The following BCAN variants were observed in gnomAD, a reference collection of about 807,000 sequenced individuals.
BCAN encodes brevican, also known as brevican core protein.
BCAN carries 51 observed loss-of-function variants against 92.4 expected under a neutral mutation model. The observed-to-expected ratio is 0.55, with a 90% confidence interval of 0.44 to 0.70. The LOEUF (loss-of-function observed/expected upper bound fraction) is 0.70, where lower values mean the gene tolerates loss of function less well. Ranked by LOEUF, BCAN falls within the 30% of genes least tolerant of loss-of-function variation. The pLI, the probability that BCAN is intolerant of heterozygous loss-of-function variation, is 0.00. For missense variants in BCAN, 1,140 were observed against 1,212.1 expected (o/e 0.94, Z 0.88); for synonymous variants, 501 against 505.2 (o/e 0.99, Z 0.11).
In BCAN at chr1:156,647,189, G is replaced by A. The variant is rs577518815; in HGVS notation, c.466+14G>A. The A allele has an allele frequency of 2.1e-5, 21 of 1,022,698 alleles. No homozygotes were observed. The East Asian group carries it at 1.0e-3, about 49-fold the overall frequency. 63.4% of individuals were successfully genotyped at this position (1,022,698 alleles called of 1,614,324 possible). A position where few individuals can be genotyped will look rare whatever the true frequency, so the allele number is the denominator to read the frequency against. On this transcript the variant is annotated intron_variant, in intron 3 of 13. Transcript: ENST00000329117. This position sits in a 1 kb window ranked among gnomAD's most constrained non-coding sequence, Gnocchi z 4.8. ...TCAAGGTCAAAGGTGAGAGGGCAGG[G>A]AGGTTCCAGAGGGAGGGAGGGAGGG...
chr1:156,657,411 C>T (rs915910528), intron 10 of BCAN: 2 of 553,378 alleles, frequency 3.6e-6, no homozygotes, highest in Non-Finnish European at 6.3e-6. Context: ...CCTCCAACTC[C>T]AACTCCAATC....
At chr1:156,648,995 G>T (rs1679075550) in intron 6 of BCAN, 134 bp downstream of exon 6, 6 of 1,083,846 alleles carry the variant, frequency 5.5e-6, no homozygotes, top group Non-Finnish European at 7.6e-6. Context: ...GTGAAGTCCA[G>T]CTTGTCATCT....
rs776798315 is a variant in BCAN, at chr1:156,648,623, G to A, written c.825G>A (p.Ala275=). The A allele has an allele frequency of 6.0e-5, 97 of 1,608,972 alleles. No homozygotes were observed. Among genetic ancestry groups the A allele is most frequent in the Non-Finnish European group, 6.2e-5 (73 of 1,175,880 alleles). Residue 275 remains alanine, a synonymous_variant, in exon 6 of 14, where the codon GCG becomes GCA. Coordinates refer to ENST00000329117, the MANE Select transcript of BCAN (RefSeq NM_021948.5). ...AGCTGACATTGGAGGAAGCACGGGC[G>A]TACTGCCAGGAGCGGGGTGCAGAGA... The part of the protein sequence containing the change: ...PEKLTLEEAR[A]YCQERGAEIA...
chr1:156,657,701 G>C lies in BCAN; in HGVS notation c.2236G>C (p.Gly746Arg). 6.2e-7 allele frequency: 1 copy of C among 1,612,300 alleles called. No homozygotes were observed. Among genetic ancestry groups the C allele is most frequent in the South Asian group, 1.1e-5 (1 of 91,002 alleles). ...CCGGTACCGGGAGTACCAGTGGATCGGACTCAACGACAGGACCATCGAAGG... is the reference window on the plus strand; with the variant it reads ...CCGGTACCGGGAGTACCAGTGGATCCGACTCAACGACAGGACCATCGAAGG... ...NNRYREYQWI[G>R]LNDRTIEGDF... is the part of the protein sequence containing the mutation. Residue 746 changes from glycine (G) to arginine (R), a missense_variant, in exon 11 of 14, where the codon GGA (glycine) becomes CGA (arginine). Coordinates refer to ENST00000329117, the MANE Select transcript of BCAN (RefSeq NM_021948.5).
chr1:156,659,126 G>C lies in BCAN; in HGVS notation c.2728G>C (p.Gly910Arg). ...GATCCCCCCTTCCAGCCCCATGCCA[G>C]GTCCCTAGGGGGCAAGGCCTTGAAC... The part of the protein sequence containing the change: ...LLIPPSSPMP[G>R]P The change falls in exon 14 of 14, where the codon GGT (glycine) becomes CGT (arginine). Residue 910 changes from glycine to arginine, a missense_variant. By Grantham distance (125) the Gly-to-Arg change is moderately radical. Transcript: ENST00000329117. 1 of 1,573,278 alleles carries C rather than the reference G, an allele frequency of 6.4e-7. No homozygotes were observed. The highest frequency in any genetic ancestry group is 8.6e-7 in the Non-Finnish European group (1 of 1,160,746).
chr1:156,656,175 G>T, intron 8 of BCAN, 107 bp from the exon 9 acceptor site: 1 of 678,694 alleles, frequency 1.5e-6, no homozygotes, highest in Non-Finnish European at 2.3e-6. Context: ...TAGCTTCCAG[G>T]ACAGAGAGAC....
At chr1:156,653,449 T>C in intron 8 of BCAN, 1 of 990,322 alleles carries the variant, frequency 1.0e-6, no homozygotes, top group African/African-American at 1.7e-5. Context: ...GAAATAAATC[T>C]CTATTAAACC....
chr1:156,652,948 G>C, intron 8 of BCAN, 56 bp downstream of exon 8: 1 of 1,597,558 alleles, frequency 6.3e-7, no homozygotes, highest in Non-Finnish European at 8.5e-7. Flanking sequence ...TCTTCCCCCT[G>C]CAGCTCTGGG....
chr1:156,651,873 C>T (rs954775679), intron 7 of BCAN, among the ~76,000 whole-genome samples, 184 bp downstream of exon 7: 1 of 151,438 alleles, frequency 6.6e-6, no homozygotes, highest in Non-Finnish European at 1.5e-5. Flanking sequence ...GTAAATTCCA[C>T]CCCCAACTCT....
Position 156,646,084 on chromosome 1 carries a change from A to G in BCAN, c.30A>G (p.Ala10=), listed in dbSNP as rs376939091. The part of the protein sequence containing the change: MAQLFLPLL[A]ALVLAQAPAA... ...CCCAGCTGTTCCTGCCCCTGCTGGC[A>G]GCCCTGGTCCTGGCCCAGGCTCCTG... The change falls in exon 2 of 14, where the codon GCA becomes GCG. Residue 10 remains alanine, a synonymous_variant. Transcript: ENST00000329117. 14 of 1,613,516 alleles carry G rather than the reference A, an allele frequency of 8.7e-6. No individual in the cohort carries two copies. The highest frequency in any genetic ancestry group is 1.1e-5 in the Non-Finnish European group (13 of 1,179,590).
At chr1:156,646,664 C>T (rs957689505) in intron 2 of BCAN, 137 bp from the exon 3 acceptor site, 3 of 1,382,668 alleles carry the variant, frequency 2.2e-6, no homozygotes, top group East Asian at 2.6e-5. Context: ...TGGCCCCTGG[C>T]CCCTGGCCCC....
At chr1:156,653,423 T>A (rs1172251092) in intron 8 of BCAN, 1 of 993,574 alleles carries the variant, frequency 1.0e-6, no homozygotes, top group East Asian at 1.1e-4. Context: ...GACTGTTTCA[T>A]GGAAAACAAG....
At position 156,656,292 on chromosome 1, in the gene BCAN, C is replaced by T. The variant is rs548144047; in HGVS notation, c.1953C>T (p.Val651=). ...VAVVPASGDC[V]PSPCHNGGTC... ...CTTTCCCCCTCTCAGGTGACTGTGTCCCCAGCCCCTGCCACAATGGTGGGA... is the reference window on the plus strand; with the variant it reads ...CTTTCCCCCTCTCAGGTGACTGTGTTCCCAGCCCCTGCCACAATGGTGGGA... The change falls in exon 9 of 14, where the codon GTC becomes GTT. Residue 651 remains valine, a synonymous_variant. Transcript: ENST00000329117. The T allele has an allele frequency of 1.2e-4, 175 of 1,459,908 alleles. 3 individuals are homozygous for T. The South Asian group carries it at 2.8e-3, about 24-fold the overall frequency. 90.4% of individuals were successfully genotyped at this position (1,459,908 alleles called of 1,614,324 possible).
At chr1:156,652,121 C>A in intron 7 of BCAN, 127 bp from the exon 8 acceptor site, 2 of 1,285,512 alleles carry the variant, frequency 1.6e-6, no homozygotes, top group Non-Finnish European at 2.1e-6. Context: ...CACCTGTCCT[C>A]AGGGCGGTCT....
intron 10 of BCAN, chr1:156,657,361 A>G (rs527320635): frequency 1.1e-5 from 6 of 568,962 alleles, no homozygotes; most frequent in African/African-American, 9.4e-5. Context: ...GGCCGCCTCC[A>G]ATCCCTCCAA....
Position 156,647,705 on chromosome 1 carries a change from G to A in BCAN, c.641+23G>A. On this transcript the variant is annotated intron_variant, in intron 4 of 13. Coordinates refer to ENST00000329117, the MANE Select transcript of BCAN (RefSeq NM_021948.5). The surrounding 1 kb of genome is among the most constrained non-coding windows in gnomAD (Gnocchi z 4.8). The stretch of plus-strand genomic sequence containing the variant: ...GAGGTGGGCAGGGGCTGTGGATTGG[G>A]GCTTCTATTGGCCCCTGAGGTGGCC... 1.3e-6 allele frequency: 2 copies of A among 1,564,988 alleles called. No individual in the cohort carries two copies. Among genetic ancestry groups the A allele is most frequent in the African/African-American group, 1.4e-5 (1 of 73,596 alleles).
At chr1:156,651,348 C>T in intron 6 of BCAN, 108 bp from the exon 7 acceptor site, 2 of 1,068,090 alleles carry the variant, frequency 1.9e-6, no homozygotes, top group Non-Finnish European at 2.7e-6. Flanking sequence ...AGTAGGTGCT[C>T]CACAGGGAAG....
intron 1 of BCAN, chr1:156,643,833 T>A (rs1678875839): frequency 6.6e-6 from 1 of 152,136 alleles, no homozygotes; most frequent in African/African-American, 2.4e-5. Flanking sequence ...GAGGGGGATG[T>A]TGTGGCGTCA....
chr1:156,656,223 C>T, intron 8 of BCAN, 59 bp from the exon 9 acceptor site: 2 of 1,261,226 alleles, frequency 1.6e-6, no homozygotes, highest in Non-Finnish European at 1.1e-6. Context: ...TCCTGGAGGG[C>T]TCAGGCTGCA....
Sources: gnomAD v4.1 joint callset for allele counts (sites outside exome capture counted in the v4.1 genomes callset) on GRCh38, gnomAD v4.1.1 for gene constraint, Gnocchi (gnomAD v3.1) non-coding constraint, MANE v1.5 for transcripts, NCBI Gene and HGNC (gene_info 2026-07-23, HGNC 2026-07-21) for gene names.